CCDC30: variants seen among roughly 807,000 people sequenced by gnomAD.
CCDC30 encodes the protein coiled-coil domain containing 30.
CCDC30 carries 70 observed loss-of-function variants against 100.2 expected under a neutral mutation model. That is an observed-to-expected ratio of 0.70 (90% CI 0.58 to 0.85). The LOEUF (loss-of-function observed/expected upper bound fraction) is 0.85. CCDC30 is among the 40% of genes least tolerant of loss of function. The pLI is 0.00. For synonymous variants in CCDC30, 233 were observed against 269.5 expected (o/e 0.86, Z 1.33); for missense variants, 652 against 771.2 (o/e 0.85, Z 1.83).
chr1:42,535,699 T>TATATATATAATATATATATATA (rs1553190459), intron 6 of CCDC30, among the ~76,000 whole-genome samples: 2 of 13,152 alleles, frequency 1.5e-4, no homozygotes, highest in East Asian at 2.4e-3. Flanking sequence ...ATCACTACTA[T>TATATATATAATATATATATATA]ATATATATAT....
intron 3 of CCDC30, among the ~76,000 whole-genome samples, chr1:42,488,120 A>G (rs151270257): frequency 6.6e-6 from 1 of 152,254 alleles, no homozygotes; most frequent in African/African-American, 2.4e-5. Context: ...CTACTTTTGT[A>G]TATATTTGAA....
intron 11 of CCDC30, among the ~76,000 whole-genome samples, 177 bp downstream of exon 15, chr1:42,611,267 G>T (rs1203804255): frequency 1.3e-5 from 2 of 152,014 alleles, no homozygotes; most frequent in Non-Finnish European, 2.9e-5. Flanking sequence ...GGAAATATGG[G>T]GCCTAATTTC....
chr1:42,488,641 A>G (rs577115195), intron 3 of CCDC30, among the ~76,000 whole-genome samples: 1 of 152,354 alleles, frequency 6.6e-6, no homozygotes, highest in East Asian at 1.9e-4. Flanking sequence ...CTTCACAAAC[A>G]TGGCAGAAAC....
chr1:42,600,184 C>T (rs1646374703), intron 10 of CCDC30, among the ~76,000 whole-genome samples: 1 of 152,078 alleles, frequency 6.6e-6, no homozygotes, highest in Admixed American at 6.5e-5. Flanking sequence ...ATATCAGGAA[C>T]TTATCCAGGA....
At chr1:42,645,447 A>G (rs1405038775) in intron 14 of CCDC30, among the ~76,000 whole-genome samples, 2 of 152,090 alleles carry the variant, frequency 1.3e-5, no homozygotes, top group African/African-American at 4.8e-5. Context: ...GATCAGGTCC[A>G]TAGTCTGTCT....
chr1:42,500,277 T>G, intron 6 of CCDC30: 3 of 1,610,840 alleles, frequency 1.9e-6, no homozygotes, highest in South Asian at 2.2e-5. Context: ...CTTGCGTCTC[T>G]GTCTTCTTCA....
chr1:42,653,176 C>T (rs957837270), intron 15 of CCDC30, among the ~76,000 whole-genome samples, 200 bp from the exon 20 acceptor site: 1 of 151,906 alleles, frequency 6.6e-6, no homozygotes, highest in Middle Eastern at 3.4e-3. Context: ...ATAGATAGAT[C>T]GTCTATAGAT....
At chr1:42,653,293 TTA>T (rs1013912714) in intron 15 of CCDC30, 81 bp from the exon 20 acceptor site, 18 of 694,492 alleles carry the variant, frequency 2.6e-5, no homozygotes, top group South Asian at 4.0e-5. Context: ...ATTGTATCTA[TTA>T]TATATATATT....
At chr1:42,535,525 C>A (rs555863635) in intron 6 of CCDC30, among the ~76,000 whole-genome samples, 29 of 148,870 alleles carry the variant, frequency 1.9e-4, no homozygotes, top group Admixed American at 1.6e-3. Flanking sequence ...CTGGCCAAAC[C>A]AAATGTGCAA....
At chr1:42,495,357 G>C (rs1644215234) in intron 4 of CCDC30, among the ~76,000 whole-genome samples, 1 of 151,982 alleles carries the variant, frequency 6.6e-6, no homozygotes, top group African/African-American at 2.4e-5. Context: ...GGACTGTTGT[G>C]GGGTGGGGAG....
intron 7 of CCDC30, among the ~76,000 whole-genome samples, chr1:42,572,064 A>T (rs1343962703): frequency 6.6e-6 from 1 of 152,186 alleles, no homozygotes; most frequent in African/African-American, 2.4e-5. Context: ...CTAGGAAGAG[A>T]TTGGGAGTGG....
chr1:42,578,181 A>G (rs1389629821), intron 8 of CCDC30, among the ~76,000 whole-genome samples: 1 of 152,224 alleles, frequency 6.6e-6, no homozygotes, highest in African/African-American at 2.4e-5. Flanking sequence ...ATCAAACCAT[A>G]TAATATGAAG....
At chr1:42,614,194 C>T (rs527727659) in intron 11 of CCDC30, among the ~76,000 whole-genome samples, 102 of 151,356 alleles carry the variant, frequency 6.7e-4, no homozygotes, top group African/African-American at 2.3e-3. Flanking sequence ...CTTTCTCCTG[C>T]CTCAGCCTCC....
chr1:42,487,300 T>C (rs532867536), intron 3 of CCDC30, among the ~76,000 whole-genome samples: 1 of 152,134 alleles, frequency 6.6e-6, no homozygotes, highest in Non-Finnish European at 1.5e-5. Flanking sequence ...AAATATGTAA[T>C]TTTTAAGGTA....
chr1:42,639,000 T>G (rs924754428), intron 12 of CCDC30, among the ~76,000 whole-genome samples: 2 of 152,200 alleles, frequency 1.3e-5, no homozygotes, highest in African/African-American at 4.8e-5. Context: ...TTTTTCATAC[T>G]TTTGCATTTT....
intron 6 of CCDC30, among the ~76,000 whole-genome samples, chr1:42,554,629 A>G (rs927629075): frequency 3.3e-5 from 5 of 152,128 alleles, no homozygotes; most frequent in African/African-American, 4.8e-5. Context: ...ATGATTACCA[A>G]CTATAATCTG....
intron 11 of CCDC30, among the ~76,000 whole-genome samples, chr1:42,626,846 C>G (rs1366000826): frequency 6.6e-6 from 1 of 152,180 alleles, no homozygotes; most frequent in African/African-American, 2.4e-5. Context: ...CCATGTGGAG[C>G]TGTAAGTCCA....
At chr1:42,510,181 G>T (rs1015296318) in intron 6 of CCDC30, 3 of 856,096 alleles carry the variant, frequency 3.5e-6, no homozygotes, top group Non-Finnish European at 4.2e-6. Context: ...TTCCAATTGG[G>T]AATGATGATT....
In CCDC30 at chr1:42,581,349, T is replaced by C. The variant is rs760326933; in HGVS notation, c.847-11T>C. On this transcript the variant is annotated splice_polypyrimidine_tract_variant and intron_variant, in intron 8 of 16. Transcript: ENST00000668663. ...CTTAATGCTTTACTTGTAAATGTTT[T>C]TTCATTCAAGATTTTGGACCTGCAG... is the stretch of plus-strand genomic sequence containing the variant. 6.3e-7 allele frequency: 1 copy of C among 1,589,284 alleles called. No individual in the cohort carries two copies. The highest frequency in any genetic ancestry group is 8.5e-7 in the Non-Finnish European group (1 of 1,172,326).
Sources: allele counts gnomAD v4.1 joint callset (sites outside exome capture counted in the v4.1 genomes callset), GRCh38; gene constraint gnomAD v4.1.1; transcripts MANE v1.5; gene names NCBI Gene and HGNC (gene_info 2026-07-23, HGNC 2026-07-21).